The following PPP1R12B variants were observed in gnomAD, a reference collection of about 807,000 sequenced individuals.
PPP1R12B encodes the protein protein phosphatase 1 regulatory subunit 12B.
A neutral mutation model predicts 126.1 loss-of-function variants in PPP1R12B; 76 were observed. That is an observed-to-expected ratio of 0.60 (90% CI 0.50 to 0.73). The LOEUF (loss-of-function observed/expected upper bound fraction) is 0.73, where lower values mean the gene tolerates loss of function less well. Among genes scored for constraint, PPP1R12B ranks in the 30% least tolerant of loss-of-function variants. PPP1R12B has a pLI of 0.00. For missense variants in PPP1R12B, 1,052 were observed against 1,205.1 expected (o/e 0.87, Z 1.88); for synonymous variants, 356 against 434.7 (o/e 0.82, Z 2.25).
At chr1:202,377,191 T>A (rs181553762) in intron 1 of PPP1R12B, among the ~76,000 whole-genome samples, 8 of 152,232 alleles carry the variant, frequency 5.3e-5, no homozygotes, top group African/African-American at 1.9e-4. Flanking sequence ...TTAGTGTAGA[T>A]GTTCTGAGAA....
Position 202,454,627 on chromosome 1 carries a change from C to A in PPP1R12B, c.1850+5456C>A, listed in dbSNP as rs143852796. ...GTTATAACAGTGTCATACCGAAAAT[C>A]TGCTGACAGAAGACTTCCCTTCTTG... On this transcript the variant is annotated intron_variant, in intron 13 of 23. Coordinates refer to ENST00000608999, the MANE Select transcript of PPP1R12B (RefSeq NM_002481.4). Among the ~76,000 whole-genome samples, 219 of 152,232 alleles carry A rather than the reference C, an allele frequency of 1.4e-3. 1 individual carries two copies. The highest frequency in any genetic ancestry group is 2.5e-3 in the Non-Finnish European group (171 of 68,020).
At chr1:202,405,190 G>T (rs919279078) in intron 1 of PPP1R12B, among the ~76,000 whole-genome samples, 1 of 152,086 alleles carries the variant, frequency 6.6e-6, no homozygotes, top group Non-Finnish European at 1.5e-5. Context: ...AGACTTGATG[G>T]ACCCTCAGCA....
chr1:202,562,851 G>A lies in PPP1R12B; in HGVS notation c.2581G>A (p.Glu861Lys). ...CCGGGCTTCAGCAAGAGCCCGTCGG[G>A]AGGCCCGGGAGGCCCGCCTAGCCAC... ...GDRASARARR[E>K]AREARLATLT... Residue 861 changes from glutamate (E) to lysine (K), a missense_variant, in exon 20 of 24, where the codon GAG becomes AAG. Physicochemically the swap from Glu to Lys is moderately conservative, Grantham distance 56 (BLOSUM62 1). Transcript: ENST00000608999. 1 of 1,613,014 alleles carries A rather than the reference G, an allele frequency of 6.2e-7. No individual in the cohort carries two copies. The highest frequency in any genetic ancestry group is 8.5e-7 in the Non-Finnish European group (1 of 1,179,668).
At chr1:202,429,633 C>A (rs1669959559) in intron 6 of PPP1R12B, among the ~76,000 whole-genome samples, 1 of 152,122 alleles carries the variant, frequency 6.6e-6, no homozygotes. Context: ...ATTTTTTACT[C>A]ATAAAGCAGA....
At chr1:202,372,130 CAA>C (rs1660391617) in intron 1 of PPP1R12B, among the ~76,000 whole-genome samples, 1 of 152,124 alleles carries the variant, frequency 6.6e-6, no homozygotes, top group South Asian at 2.1e-4. Flanking sequence ...CTCGGCCTCC[CAA>C]AGTGTTGGGA....
intron 1 of PPP1R12B, among the ~76,000 whole-genome samples, chr1:202,366,838 A>G (rs1051362981): frequency 1.1e-4 from 17 of 152,202 alleles, no homozygotes; most frequent in Admixed American, 6.5e-5. Context: ...AACAATGTAG[A>G]CTAAAATAAA....
intron 1 of PPP1R12B, among the ~76,000 whole-genome samples, chr1:202,366,517 C>CAAAAAA (rs10570958): frequency 1.4e-5 from 1 of 73,046 alleles, no homozygotes; most frequent in South Asian, 5.8e-4. Context: ...GACTCCATCT[C>CAAAAAA]AAAAAAAAAA....
rs562595820 is a variant in PPP1R12B, at chr1:202,350,536, G to C, written c.291+1394G>C. ...TAATAAGGAGCTGAATGTAAAATGA[G>C]ATAAAAGCTAAGAGAACCACATTAA... On this transcript the variant is annotated intron_variant, in intron 1 of 23. Transcript: ENST00000608999. Among the ~76,000 whole-genome samples the C allele has an allele frequency of 2.0e-5, 3 of 152,218 alleles. No individual in the cohort carries two copies. The South Asian group carries it at 6.2e-4, about 32-fold the overall frequency.
intron 12 of PPP1R12B, chr1:202,445,213 C>T (rs1222873152): frequency 4.0e-6 from 5 of 1,246,640 alleles, no homozygotes; most frequent in Non-Finnish European, 5.1e-6. Context: ...ACTACTGCAT[C>T]TGTACATCAT....
chr1:202,494,914 T>TGC (rs1186350088), intron 15 of PPP1R12B, among the ~76,000 whole-genome samples: 5 of 152,142 alleles, frequency 3.3e-5, no homozygotes, highest in Non-Finnish European at 7.4e-5. Context: ...TTTGTTTCCC[T>TGC]ACATAAACCT....
intron 18 of PPP1R12B, among the ~76,000 whole-genome samples, chr1:202,503,855 T>C (rs1358469917): frequency 6.6e-6 from 1 of 152,006 alleles, no homozygotes; most frequent in African/African-American, 2.4e-5. Context: ...TGCAATGGTA[T>C]AGGAGACCTG....
At chr1:202,499,062 T>C (rs971592943) in intron 18 of PPP1R12B, among the ~76,000 whole-genome samples, 1 of 152,184 alleles carries the variant, frequency 6.6e-6, no homozygotes, top group Non-Finnish European at 1.5e-5. Flanking sequence ...TACTGTTTGC[T>C]GGGTTTTGAC....
In PPP1R12B at chr1:202,558,889, T is replaced by C; in HGVS notation, c.2503T>C (p.Ser835Pro). The change falls in exon 19 of 24, where the codon TCT (serine) becomes CCT (proline). Residue 835 changes from serine (S) to proline (P), a missense_variant. Transcript: ENST00000608999. ...EVKETWHERL[S>P]RLESGGSNPT... ...CTCCTTTCTCTAGCATGAAAGACTT[T>C]CTAGGTAAGAACTCTCCCTGTTATA... 1.3e-6 allele frequency: 2 copies of C among 1,582,778 alleles called. No individual in the cohort carries two copies. The highest frequency in any genetic ancestry group is 1.4e-5 in the African/African-American group (1 of 73,644).
rs188897951 is a variant in PPP1R12B at position 202,506,718 on chromosome 1, G to A, written c.2490+9896G>A. 9.2e-5 allele frequency among the ~76,000 whole-genome samples: 14 copies of A among 152,038 alleles called. No individual in the cohort carries two copies. In the East Asian group the frequency reaches 2.7e-3, roughly 29 times the overall value. Reference sequence around the variant, plus strand: ...GTGACCTTATGTCTTTTTATTATAGGAACAGAGATGAGCTTAAAACTCTGC... The same window carrying A: ...GTGACCTTATGTCTTTTTATTATAGAAACAGAGATGAGCTTAAAACTCTGC... On this transcript the variant is annotated intron_variant, in intron 18 of 23. Coordinates refer to ENST00000608999, the MANE Select transcript of PPP1R12B (RefSeq NM_002481.4).
At chr1:202,350,345 C>T (rs1031887185) in intron 1 of PPP1R12B, among the ~76,000 whole-genome samples, 1 of 152,130 alleles carries the variant, frequency 6.6e-6, no homozygotes, top group African/African-American at 2.4e-5. Flanking sequence ...ATGTGAGTTT[C>T]AGCAGTGATC....
At chr1:202,381,289 G>A (rs1662215131) in intron 1 of PPP1R12B, among the ~76,000 whole-genome samples, 1 of 152,048 alleles carries the variant, frequency 6.6e-6, no homozygotes, top group Non-Finnish European at 1.5e-5. Context: ...AGAGAAAAAG[G>A]AAGAAAAGGG....
At chr1:202,404,761 G>T (rs1164553749) in intron 1 of PPP1R12B, among the ~76,000 whole-genome samples, 1 of 152,040 alleles carries the variant, frequency 6.6e-6, no homozygotes, top group East Asian at 1.9e-4. Flanking sequence ...TTGGCCTCCC[G>T]GAGTGCTGGG....
chr1:202,446,254 ATAT>A (rs1202583890), intron 12 of PPP1R12B, among the ~76,000 whole-genome samples: 572 of 47,122 alleles, frequency 0.012, 1 homozygote, highest in Non-Finnish European at 0.017. Flanking sequence ...ATATATATAT[ATAT>A]TTTTTTTTTT....
At chr1:202,349,947 C>T (rs1457812477) in intron 1 of PPP1R12B, among the ~76,000 whole-genome samples, 1 of 152,104 alleles carries the variant, frequency 6.6e-6, no homozygotes, top group East Asian at 1.9e-4. Flanking sequence ...CAGCAATATT[C>T]TCTGTCTACT....
Sources: gnomAD v4.1 joint callset for allele counts (sites outside exome capture counted in the v4.1 genomes callset) on GRCh38, gnomAD v4.1.1 for gene constraint, MANE v1.5 for transcripts, NCBI Gene and HGNC (gene_info 2026-07-23, HGNC 2026-07-21) for gene names.